ACTN2: variants seen among roughly 807,000 people sequenced by gnomAD.
The protein encoded by ACTN2 is alpha-actinin-2.
ACTN2 carries 39 observed loss-of-function variants against 113.8 expected under a neutral mutation model. The observed-to-expected ratio is 0.34, with a 90% CI of 0.27 to 0.45. The LOEUF (loss-of-function observed/expected upper bound fraction) is 0.45. Among genes scored for constraint, ACTN2 ranks in the 20% least tolerant of loss-of-function variants. The pLI is 1.00. For synonymous variants in ACTN2, 429 were observed against 444.1 expected (o/e 0.97, Z 0.43); for missense variants, 992 against 1,177.9 (o/e 0.84, Z 2.31).
intron 9 of ACTN2, 83 bp downstream of exon 9, chr1:236,737,297 G>GTATTTATATATATATATATATATATA: frequency 1.2e-4 from 39 of 322,228 alleles, no homozygotes; most frequent in Middle Eastern, 1.7e-3. Context: ...CTCCGTGGGG[G>GTATTTATATATATATATATATATATA]CATATATATA....
At chr1:236,710,966 T>C (rs564448816) in intron 1 of ACTN2, among the ~76,000 whole-genome samples, 1 of 151,944 alleles carries the variant, frequency 6.6e-6, no homozygotes, top group East Asian at 1.9e-4. Context: ...GGGACCGCTG[T>C]TCTAGATCAT....
Position 236,737,318 on chromosome 1 carries a change from T to TATATATATATATATATATA in ACTN2, c.876+104_876+105insATATATATATATATATATA, listed in dbSNP as rs1465770912. 1.8e-3 allele frequency: 537 copies of TATATATATATATATATATA among 296,254 alleles called. 106 individuals carry two copies. The highest frequency in any genetic ancestry group is 2.7e-3 in the Non-Finnish European group (395 of 145,874). 18.4% of individuals were successfully genotyped at this position (296,254 alleles called of 1,614,324 possible). A position where few individuals can be genotyped will look rare whatever the true frequency, so the allele number is the denominator to read the frequency against. On this transcript the variant is annotated intron_variant, in intron 9 of 20. Transcript: ENST00000366578. ...GGGGGCATATATATATATATATATA[T>TATATATATATATATATATA]TTTGCATTTTTCATCTCAGATAGGA...
intron 1 of ACTN2, among the ~76,000 whole-genome samples, chr1:236,694,330 C>T (rs2102861323): frequency 6.7e-6 from 1 of 150,342 alleles, no homozygotes; most frequent in South Asian, 2.1e-4. Flanking sequence ...TCAGGTGATT[C>T]TCTTGCCTCA....
At chr1:236,696,643 A>T (rs1657509210) in intron 1 of ACTN2, among the ~76,000 whole-genome samples, 1 of 151,632 alleles carries the variant, frequency 6.6e-6, no homozygotes, top group Non-Finnish European at 1.5e-5. Context: ...CAACCCAAAC[A>T]ACTTTACTGC....
At position 236,747,517 on chromosome 1, in the gene ACTN2, ACTGT is replaced by A. The variant is rs151256092; in HGVS notation, c.1407-147_1407-144del. On this transcript the variant is annotated intron_variant, in intron 12 of 20. Coordinates refer to ENST00000366578, the MANE Select transcript of ACTN2 (RefSeq NM_001103.4). The stretch of plus-strand genomic sequence containing the variant: ...CACCCCCTCACCCTTCTGAGCCTCC[ACTGT>A]CTATCAGCCCACTCTCTATGTCCAT... The A allele has an allele frequency of 4.9e-3, 3,297 of 678,572 alleles. 122 individuals carry two copies. In the East Asian group the frequency reaches 0.076, roughly 16 times the overall value. The allele number at this position is 678,572 out of a possible 1,614,324, so 42.0% of individuals were successfully genotyped here.
At chr1:236,710,035 T>G (rs2102881826) in intron 1 of ACTN2, among the ~76,000 whole-genome samples, 1 of 152,344 alleles carries the variant, frequency 6.6e-6, no homozygotes, top group East Asian at 1.9e-4. Context: ...AGAACCGTAT[T>G]GCTAAAAGAA....
At chr1:236,697,827 G>A (rs945231594) in intron 1 of ACTN2, among the ~76,000 whole-genome samples, 27 of 148,160 alleles carry the variant, frequency 1.8e-4, no homozygotes, top group African/African-American at 5.8e-4. Context: ...GCAATGGCAC[G>A]ATCTTGGCTC....
intron 13 of ACTN2, among the ~76,000 whole-genome samples, chr1:236,748,918 T>A (rs561135236): frequency 5.3e-5 from 8 of 152,312 alleles, no homozygotes; most frequent in Non-Finnish European, 1.0e-4. Context: ...CTGGATGTTA[T>A]GAAATCCTTC....
chr1:236,728,064 G>T (rs148708573), intron 6 of ACTN2, among the ~76,000 whole-genome samples: 65 of 151,792 alleles, frequency 4.3e-4, no homozygotes, highest in Non-Finnish European at 6.6e-4. Context: ...GTTCCTTAGA[G>T]ATTTTACATT....
chr1:236,729,266 G>A (rs139574365), intron 6 of ACTN2, among the ~76,000 whole-genome samples: 2,095 of 152,258 alleles, frequency 0.014, 36 homozygotes, highest in South Asian at 0.077. Flanking sequence ...GGAGGTTGCA[G>A]TGAACCGAGA....
chr1:236,694,289 GGCGGCTAACCACAACCTCC>G (rs1657398451), intron 1 of ACTN2, among the ~76,000 whole-genome samples: 1 of 147,554 alleles, frequency 6.8e-6, no homozygotes, highest in Middle Eastern at 3.3e-3. Context: ...GCACAATCTC[GGCGGCTAACCACAACCTCC>G]GCCTCCCAGG....
intron 1 of ACTN2, among the ~76,000 whole-genome samples, chr1:236,713,174 G>A (rs965828786): frequency 6.6e-6 from 1 of 150,804 alleles, no homozygotes; most frequent in Admixed American, 6.6e-5. Flanking sequence ...TAAAAACAAA[G>A]AATTTATACT....
chr1:236,745,473 G>A (rs1659205512), intron 12 of ACTN2, among the ~76,000 whole-genome samples: 3 of 152,108 alleles, frequency 2.0e-5, no homozygotes, highest in Admixed American at 6.5e-5. Flanking sequence ...CAAAAAAGTG[G>A]GCACTGCCTC....
rs188557620 is a variant in ACTN2, at chr1:236,699,569, T to G, written c.126+12770T>G. Among the ~76,000 whole-genome samples the G allele has an allele frequency of 3.2e-3, 490 of 152,198 alleles. 5 individuals carry two copies. Among genetic ancestry groups the G allele is most frequent in the African/African-American group, 0.011 (475 of 41,508 alleles). The stretch of plus-strand genomic sequence containing the variant: ...GCCTGAGACACTGAGTCAACTCCCT[T>G]TTGGAACTAGAAAATGAGACTTTCA... On this transcript the variant is annotated intron_variant, in intron 1 of 20. Transcript: ENST00000366578.
intron 6 of ACTN2, among the ~76,000 whole-genome samples, chr1:236,728,160 T>G (rs76006585): frequency 6.6e-6 from 1 of 151,368 alleles, no homozygotes; most frequent in African/African-American, 2.4e-5. Context: ...TTTTTTTTTT[T>G]TGAGACAGAG....
At chr1:236,737,085 C>T (rs367609920) in intron 8 of ACTN2, 37 bp from the exon 9 acceptor site, 799 of 1,557,278 alleles carry the variant, frequency 5.1e-4, no homozygotes, top group Non-Finnish European at 6.8e-4. Context: ...GCATTCCCGT[C>T]GACAGAGCCG....
Position 236,763,356 on chromosome 1 carries a change from A to G in ACTN2, c.*737A>G, listed in dbSNP as rs893845383. The G allele has an allele frequency of 6.5e-6, 1 of 152,802 alleles. No homozygotes were observed. The highest frequency in any genetic ancestry group is 2.4e-5 in the African/African-American group (1 of 41,460). The allele number at this position is 152,802 out of a possible 1,614,324, so 9.5% of individuals were successfully genotyped here. Reference sequence around the variant, plus strand: ...GTTTAATTGCCAGAGAGAAGGATGCAATCACTAGGTAAAATGAGGTTTTTA... The same window carrying G: ...GTTTAATTGCCAGAGAGAAGGATGCGATCACTAGGTAAAATGAGGTTTTTA... On this transcript the variant is annotated 3_prime_UTR_variant, in exon 21 of 21. Transcript: ENST00000366578.
intron 1 of ACTN2, among the ~76,000 whole-genome samples, chr1:236,713,319 C>A (rs1658101413): frequency 6.6e-6 from 1 of 151,934 alleles, no homozygotes; most frequent in Non-Finnish European, 1.5e-5. Flanking sequence ...CCTCTGCCTC[C>A]CGGGTTCAAG....
intron 4 of ACTN2, among the ~76,000 whole-genome samples, chr1:236,724,838 CTTTTTTTT>C (rs5781922): frequency 4.9e-5 from 4 of 81,674 alleles, no homozygotes; most frequent in African/African-American, 1.6e-4. Context: ...TGGGTTTTTC[CTTTTTTTT>C]TTTTTTTTTT....
Sources: allele counts gnomAD v4.1 joint callset (sites outside exome capture counted in the v4.1 genomes callset), GRCh38; gene constraint gnomAD v4.1.1; transcripts MANE v1.5; gene names NCBI Gene and HGNC (gene_info 2026-07-23, HGNC 2026-07-21).